PREX1: variants seen among roughly 807,000 people sequenced by gnomAD.
The protein encoded by PREX1 is phosphatidylinositol-3,4,5-trisphosphate dependent Rac exchange factor 1.
A neutral mutation model predicts 198.3 loss-of-function variants in PREX1; 41 were observed. The ratio of observed to expected loss-of-function variants is 0.21; its 90% CI spans 0.16 to 0.27. PREX1 has a LOEUF of 0.27. Ranked by LOEUF, PREX1 falls within the 10% of genes least tolerant of loss-of-function variation. The pLI is 1.00. For missense variants in PREX1, 1,620 were observed against 2,200.7 expected (o/e 0.74, Z 5.28); for synonymous variants, 843 against 887.2 (o/e 0.95, Z 0.89).
At chr20:48,880,668 A>G in the PREX1 span, among the ~76,000 whole-genome samples, 31 of 152,304 alleles carry the variant, frequency 2.0e-4, no homozygotes, top group Middle Eastern at 3.4e-3. Context: ...GCCAGAATGT[A>G]GTCCTAGCTA....
At position 48,632,270 on chromosome 20, in the gene PREX1, C is replaced by G. The variant is rs4616535; in HGVS notation, c.4526+7G>C. 6.2e-7 allele frequency: 1 copy of G among 1,613,472 alleles called. No homozygotes were observed. Among genetic ancestry groups the G allele is most frequent in the Admixed American group, 1.7e-5 (1 of 60,028 alleles). On this transcript the variant is annotated splice_region_variant and intron_variant, in intron 35 of 39. Coordinates refer to ENST00000371941, the MANE Select transcript of PREX1 (RefSeq NM_020820.4). ...TCCTGCCCCCAACGGGGACCCCAGG[C>G]GGATACCTGAGTTTGCGGTAATACT...
intron 10 of PREX1, among the ~76,000 whole-genome samples, chr20:48,686,025 A>C (rs1429433636): frequency 6.6e-6 from 1 of 152,260 alleles, no homozygotes; most frequent in Non-Finnish European, 1.5e-5. Flanking sequence ...ATAGACAGGC[A>C]AAGTACAGTG....
At chr20:48,679,847 C>T in intron 11 of PREX1, 93 bp from the exon 12 acceptor site, 1 of 924,902 alleles carries the variant, frequency 1.1e-6, no homozygotes, top group Admixed American at 1.9e-5. Context: ...CCAGCCACGC[C>T]CCCTCTGCCC....
At chr20:48,783,260 AG>A (rs1424938388) in intron 1 of PREX1, among the ~76,000 whole-genome samples, 1 of 152,180 alleles carries the variant, frequency 6.6e-6, no homozygotes. Context: ...CTTGGAAGGC[AG>A]AACAATGAGA....
rs1194246497 is a variant in PREX1, at chr20:48,681,257, C to T, written c.1413G>A (p.Leu471=). Residue 471 remains leucine (L), a synonymous_variant, in exon 11 of 40, where the codon TTG becomes TTA. Transcript: ENST00000371941. ...CACCATGGTGGATGATGCCATTCTC[C>T]AACAGGGCTTGGCCCAAGTTGACTC... ...EEGVNLGQAL[L]ENGIIHHVSD... 6.2e-7 allele frequency: 1 copy of T among 1,614,188 alleles called. No homozygotes were observed.
intron 36 of PREX1, among the ~76,000 whole-genome samples, chr20:48,630,281 G>A (rs766271191): frequency 6.6e-6 from 1 of 152,220 alleles, no homozygotes; most frequent in Admixed American, 6.5e-5. Context: ...CTCCCAGCTC[G>A]GAGCAACGGG....
the PREX1 span, among the ~76,000 whole-genome samples, chr20:48,851,927 A>G: frequency 2.0e-5 from 3 of 152,212 alleles, no homozygotes; most frequent in Non-Finnish European, 4.4e-5. Context: ...AGACCTCACC[A>G]GGCAGTATGG....
At chr20:48,818,565 C>T (rs1422714550) in intron 1 of PREX1, among the ~76,000 whole-genome samples, 1 of 152,214 alleles carries the variant, frequency 6.6e-6, no homozygotes, top group Non-Finnish European at 1.5e-5. Context: ...ACGGCCCTGG[C>T]CATTCCCGGC....
chr20:48,779,974 C>G (rs552251930), intron 1 of PREX1, among the ~76,000 whole-genome samples: 14 of 152,224 alleles, frequency 9.2e-5, no homozygotes, highest in Admixed American at 3.3e-4. Context: ...TCATAAAACT[C>G]TAAACCCCCA....
chr20:48,843,580 T>A, the PREX1 span, among the ~76,000 whole-genome samples: 2 of 152,232 alleles, frequency 1.3e-5, no homozygotes, highest in East Asian at 3.8e-4. Flanking sequence ...AAGTTACTTA[T>A]CCCTGTGCTC....
chr20:48,679,458 G>A (rs376075031), intron 12 of PREX1, 49 bp from the exon 13 acceptor site: 46 of 1,576,296 alleles, frequency 2.9e-5, no homozygotes, highest in African/African-American at 4.1e-5. Context: ...CATCCTTCAC[G>A]AGCCTCCAAA....
chr20:48,643,451 G>C (rs1385677590), intron 27 of PREX1, among the ~76,000 whole-genome samples: 1 of 151,184 alleles, frequency 6.6e-6, no homozygotes, highest in Non-Finnish European at 1.5e-5. Context: ...CCTGACAACA[G>C]AGTGAGACTC....
At position 48,660,048 on chromosome 20, in the gene PREX1, G is replaced by A. The variant is rs1458828403; in HGVS notation, c.1752C>T (p.Ser584=). The change falls in exon 16 of 40, where the codon AGC becomes AGT. Residue 584 remains serine, a synonymous_variant. Transcript: ENST00000371941. ...NGFMHHVLEK[S]EFRDESQYFR... ...AGTACTGGGACTCATCCCTGAACTC[G>A]CTCTTCTCCAGCACTGCAGATCCAC... 18 of 1,613,992 alleles carry A rather than the reference G, an allele frequency of 1.1e-5. No homozygotes were observed. The highest frequency in any genetic ancestry group is 2.2e-5 in the South Asian group (2 of 91,088).
the PREX1 span, among the ~76,000 whole-genome samples, chr20:48,859,053 G>A: frequency 6.6e-6 from 1 of 151,678 alleles, no homozygotes; most frequent in African/African-American, 2.4e-5. Context: ...GTGCCACCCT[G>A]CCCAGCTCAT....
chr20:48,741,261 C>T (rs1407545136), intron 3 of PREX1, among the ~76,000 whole-genome samples: 1 of 152,346 alleles, frequency 6.6e-6, no homozygotes, highest in South Asian at 2.1e-4. Context: ...CTGCGGCTGG[C>T]ACAGTCGTGA....
At chr20:48,629,680 C>T in intron 36 of PREX1, 59 bp from the exon 37 acceptor site, 2 of 1,539,824 alleles carry the variant, frequency 1.3e-6, no homozygotes, top group Admixed American at 1.7e-5. Context: ...GCCCCTCAGC[C>T]CCCATCTGGC....
At chr20:48,705,861 G>T (rs1437575109) in intron 6 of PREX1, among the ~76,000 whole-genome samples, 1 of 151,964 alleles carries the variant, frequency 6.6e-6, no homozygotes. Flanking sequence ...AAACAAATAG[G>T]AGAAAATAAG....
rs531499037 is a variant in PREX1, at chr20:48,711,041, A to C, written c.622-2620T>G. 2.0e-3 allele frequency among the ~76,000 whole-genome samples: 298 copies of C among 152,328 alleles called. 1 individual carries two copies. The highest frequency in any genetic ancestry group is 6.9e-3 in the African/African-American group (287 of 41,574). ...GCCTGACACCACCTTCTCACCCTTT[A>C]AAGGACCTCCCTGGCTGCTGACAGG... On this transcript the variant is annotated intron_variant, in intron 5 of 39. Transcript: ENST00000371941.
intron 1 of PREX1, among the ~76,000 whole-genome samples, chr20:48,786,354 G>C (rs947774045): frequency 6.6e-6 from 1 of 152,164 alleles, no homozygotes; most frequent in African/African-American, 2.4e-5. Flanking sequence ...AGAGACCCTA[G>C]AACCTGGGCC....
Sources: gnomAD v4.1 joint callset for allele counts (sites outside exome capture counted in the v4.1 genomes callset) on GRCh38, gnomAD v4.1.1 for gene constraint, MANE v1.5 for transcripts, NCBI Gene and HGNC (gene_info 2026-07-23, HGNC 2026-07-21) for gene names.